ADCY5: variants seen among roughly 807,000 people sequenced by gnomAD.
The protein encoded by ADCY5 is adenylate cyclase 5, also known as adenylate cyclase type 5.
Under a neutral mutation model 119.7 loss-of-function variants are expected in ADCY5, and 30 were observed. That is an observed-to-expected ratio of 0.25 (90% CI 0.19 to 0.34). The LOEUF (loss-of-function observed/expected upper bound fraction) is 0.34. ADCY5 is among the 10% of genes least tolerant of loss of function. The pLI, the probability that ADCY5 is intolerant of heterozygous loss-of-function variation, is 1.00. For missense variants in ADCY5, 1,324 were observed against 1,775.2 expected (o/e 0.75, Z 4.57); for synonymous variants, 753 against 762.2 (o/e 0.99, Z 0.20).
At chr3:123,321,838 T>C (rs1941234909) in intron 8 of ADCY5, among the ~76,000 whole-genome samples, 2 of 152,228 alleles carry the variant, frequency 1.3e-5, no homozygotes, top group African/African-American at 2.4e-5. Flanking sequence ...ACAGAGGCTC[T>C]ACCCCCAGCT....
In ADCY5 at chr3:123,300,159, AGC is replaced by A. The variant is rs1188581562; in HGVS notation, c.2859_2860del (p.Phe955ArgfsTer24). 6.2e-7 allele frequency: 1 copy of A among 1,613,848 alleles called. No homozygotes were observed. Among genetic ancestry groups the A allele is most frequent in the South Asian group, 1.1e-5 (1 of 91,076 alleles). On this transcript the variant is annotated frameshift_variant, in exon 15 of 21. Transcript: ENST00000462833. LOFTEE classifies it high-confidence loss of function. ...GACCAGCAGGTCGGCGTTGTCGAAG[AGC>A]GTGACACCTGGCACCTCCACGATGA...
At chr3:123,340,895 C>A (rs1182754999) in intron 3 of ADCY5, among the ~76,000 whole-genome samples, 1 of 152,090 alleles carries the variant, frequency 6.6e-6, no homozygotes, top group Non-Finnish European at 1.5e-5. Context: ...GAGGCTGAGG[C>A]AGGCGGATCA....
chr3:123,448,481 G>A lies in ADCY5; in HGVS notation c.65C>T (p.Pro22Leu). ...AGAGCGGTGTTCGGGGCCTCCCCGG[G>A]GCGCCGGCGCCGCAGTCTTCTGCGC... ...YAAQKTAAPA[P>L]RGGPEHRSAW... Residue 22 changes from proline to leucine, a missense_variant, in exon 1 of 21, where the codon CCC becomes CTC. By Grantham distance (98) the Pro-to-Leu change is moderately conservative. Around this residue, in one of 6 missense-constraint regions of ADCY5, gnomAD observed 585 missense variants for 569.9 expected, o/e 1.03. Transcript: ENST00000462833. The A allele has an allele frequency of 3.2e-6, 4 of 1,269,412 alleles. No homozygotes were observed. Among genetic ancestry groups the A allele is most frequent in the Non-Finnish European group, 4.0e-6 (4 of 1,009,232 alleles). The allele number at this position is 1,269,412 out of a possible 1,614,324, so 78.6% of individuals were successfully genotyped here. A position where few individuals can be genotyped will look rare whatever the true frequency, so the allele number is the denominator to read the frequency against.
chr3:123,393,438 C>T (rs1194599875), intron 1 of ADCY5, among the ~76,000 whole-genome samples: 1 of 151,904 alleles, frequency 6.6e-6, no homozygotes, highest in African/African-American at 2.4e-5. Flanking sequence ...ATGCCTGTAG[C>T]CTTAGTTACC....
intron 2 of ADCY5, among the ~76,000 whole-genome samples, chr3:123,350,664 C>T (rs761458689): frequency 1.3e-5 from 2 of 152,180 alleles, no homozygotes; most frequent in African/African-American, 2.4e-5. Flanking sequence ...TGGCTATGGC[C>T]GGTTGAGAAG....
rs1011958028 is a variant in ADCY5, at chr3:123,286,943, C to G, written c.3533-134G>C. On this transcript the variant is annotated intron_variant, in intron 19 of 20. Transcript: ENST00000462833. This position sits in a 1 kb window ranked among gnomAD's most constrained non-coding sequence, Gnocchi z 4.2. ...GTGGGCTTCCAGGCCCAAGGCTGTG[C>G]TAAACCCTGCAGCCTCCCGCTACCC... 53 of 1,257,392 alleles carry G rather than the reference C, an allele frequency of 4.2e-5. No individual in the cohort carries two copies. The highest frequency in any genetic ancestry group is 5.3e-5 in the Non-Finnish European group (50 of 939,460). 77.9% of individuals were successfully genotyped at this position (1,257,392 alleles called of 1,614,324 possible).
intron 1 of ADCY5, among the ~76,000 whole-genome samples, chr3:123,373,345 T>G (rs1943701033): frequency 1.3e-5 from 2 of 152,258 alleles, no homozygotes; most frequent in South Asian, 4.1e-4. Context: ...CCTCTGTCGC[T>G]GGGCATTATC....
Position 123,447,438 on chromosome 3 carries a change from C to A in ADCY5, c.1108G>T (p.Ala370Ser), listed in dbSNP as rs745702684. 1.2e-5 allele frequency: 19 copies of A among 1,597,914 alleles called. No individual in the cohort carries two copies. Among genetic ancestry groups the A allele is most frequent in the Non-Finnish European group, 1.5e-5 (18 of 1,170,716 alleles). Residue 370 changes from alanine (A) to serine (S), a missense_variant, in exon 1 of 21, where the codon GCC becomes TCC. This residue lies in a region of ADCY5 where 585 missense variants were observed against 569.9 expected (regional missense o/e 1.03). Coordinates refer to ENST00000462833, the MANE Select transcript of ADCY5 (RefSeq NM_183357.3). ...LHLAIALRTNAQDQFLLKQLV... is the reference protein window; with the variant it reads ...LHLAIALRTNSQDQFLLKQLV... ...TGCTTCAGCAGGAACTGGTCCTGGGCGTTGGTGCGCAGGGCGATGGCCAGG... is the reference window on the plus strand; with the variant it reads ...TGCTTCAGCAGGAACTGGTCCTGGGAGTTGGTGCGCAGGGCGATGGCCAGG...
chr3:123,432,174 T>C (rs1029405228), intron 1 of ADCY5, among the ~76,000 whole-genome samples: 2 of 152,140 alleles, frequency 1.3e-5, no homozygotes, highest in East Asian at 1.9e-4. Context: ...TACAAGGAAG[T>C]TGAAAAGGCA....
chr3:123,363,810 G>A (rs1173091548), intron 1 of ADCY5, among the ~76,000 whole-genome samples: 4 of 152,200 alleles, frequency 2.6e-5, no homozygotes, highest in Non-Finnish European at 4.4e-5. Flanking sequence ...TTGGGAGGCT[G>A]AGGTGGGAAG....
chr3:123,332,417 C>A (rs376873710), intron 4 of ADCY5, 147 bp downstream of exon 4: 13 of 634,890 alleles, frequency 2.0e-5, no homozygotes, highest in South Asian at 1.1e-4. Context: ...GCCTAAGGGT[C>A]CCCTCTGCCC....
intron 7 of ADCY5, among the ~76,000 whole-genome samples, chr3:123,326,682 C>T (rs1026170262): frequency 6.6e-6 from 1 of 152,132 alleles, no homozygotes; most frequent in African/African-American, 2.4e-5. Flanking sequence ...GGCCCTGAAT[C>T]CCCCATCCCT....
rs138343262 is a variant in ADCY5 at position 123,416,290 on chromosome 3, G to A, written c.1134+31122C>T. On this transcript the variant is annotated intron_variant, in intron 1 of 20. Transcript: ENST00000462833. Reference sequence around the variant, plus strand: ...CATTCCTCAGGACTTACTTCCAGACGCTTCCCCAAAAAGGGGCTAAAGGCA... The same window carrying A: ...CATTCCTCAGGACTTACTTCCAGACACTTCCCCAAAAAGGGGCTAAAGGCA... 55 of 1,535,876 alleles carry A rather than the reference G, an allele frequency of 3.6e-5. No homozygotes were observed. In the East Asian group the frequency reaches 5.4e-4, roughly 15 times the overall value.
At chr3:123,339,758 AC>A (rs1942189685) in intron 3 of ADCY5, among the ~76,000 whole-genome samples, 1 of 110,602 alleles carries the variant, frequency 9.0e-6, no homozygotes. Flanking sequence ...CCCAAATCCT[AC>A]CCCTACTGTA....
rs140593074 is a variant in ADCY5, at chr3:123,339,924, G to A, written c.1407-7249C>T. On this transcript the variant is annotated intron_variant, in intron 3 of 20. Coordinates refer to ENST00000462833, the MANE Select transcript of ADCY5 (RefSeq NM_183357.3). ...TGACCTCAGGGGGGAGTCTATGAGT[G>A]CTTTTTCTTCTCCATACTGCTCTTA... Among the ~76,000 whole-genome samples the A allele has an allele frequency of 8.2e-4, 125 of 152,328 alleles. 1 individual carries two copies. Among genetic ancestry groups the A allele is most frequent in the Non-Finnish European group, 1.5e-3 (99 of 68,014 alleles).
chr3:123,293,446 T>C (rs1047907695), intron 17 of ADCY5, among the ~76,000 whole-genome samples: 2 of 151,870 alleles, frequency 1.3e-5, no homozygotes, highest in African/African-American at 4.8e-5. Flanking sequence ...GATGGGAAAA[T>C]GAGGGACCTG....
At chr3:123,393,908 C>T (rs924415027) in intron 1 of ADCY5, among the ~76,000 whole-genome samples, 2 of 151,942 alleles carry the variant, frequency 1.3e-5, no homozygotes, top group South Asian at 2.1e-4. Context: ...AGGCTAAGGG[C>T]AGATCATTTG....
At chr3:123,306,691 C>CA (rs1304365335) in intron 12 of ADCY5, among the ~76,000 whole-genome samples, 4 of 152,084 alleles carry the variant, frequency 2.6e-5, no homozygotes, top group Non-Finnish European at 5.9e-5. Context: ...GGTAGCTCCT[C>CA]AAAAAATCAA....
At chr3:123,416,650 A>C (rs996037577) in intron 1 of ADCY5, among the ~76,000 whole-genome samples, 2 of 152,154 alleles carry the variant, frequency 1.3e-5, no homozygotes, top group South Asian at 2.1e-4. Flanking sequence ...TATGGCCCCC[A>C]AAATTCCTCT....
Sources: allele counts gnomAD v4.1 joint callset (sites outside exome capture counted in the v4.1 genomes callset), GRCh38; gene constraint gnomAD v4.1.1; regional missense constraint gnomAD v4.1.1; non-coding constraint Gnocchi (gnomAD v3.1); transcripts MANE v1.5; gene names NCBI Gene and HGNC (gene_info 2026-07-23, HGNC 2026-07-21).